Variants in LIPM observed in about 807,000 individuals in gnomAD.
LIPM encodes the protein lipase family member M, also known as lipase member M.
LIPM carries 42 observed loss-of-function variants against 42.4 expected under a neutral mutation model. The ratio of observed to expected loss-of-function variants is 0.99; its 90% confidence interval spans 0.77 to 1.28. The LOEUF is 1.28. LIPM is among the 50% of genes most tolerant of loss of function. LIPM has a pLI of 0.00. For synonymous variants in LIPM, 177 were observed against 173.3 expected, an observed-to-expected ratio of 1.02 and a Z score of -0.17; for missense variants, 524 against 520.1, an observed-to-expected ratio of 1.01 and a Z score of -0.07.
intron 2 of LIPM, 111 bp downstream of exon 2, chr10:88,808,526 T>C: frequency 1.5e-6 from 1 of 648,624 alleles, no homozygotes; most frequent in Admixed American, 2.3e-5. Context: ...GTGAGGTCCA[T>C]TGTTCAGGTC....
intron 8 of LIPM, among the ~76,000 whole-genome samples, chr10:88,819,025 C>T (rs1402928883): frequency 5.9e-5 from 9 of 151,866 alleles, no homozygotes; most frequent in Non-Finnish European, 5.9e-5. Flanking sequence ...GTAGCTGGGA[C>T]TACAGGTGCA....
intron 6 of LIPM, 41 bp downstream of exon 6, chr10:88,815,544 A>G (rs1385360636): frequency 6.5e-7 from 1 of 1,536,892 alleles, no homozygotes; most frequent in Non-Finnish European, 8.8e-7. Flanking sequence ...CCCAGCATAA[A>G]GCTGGGAGTC....
rs1429021727 is a variant in LIPM, at chr10:88,817,849, G to A, written c.955G>A (p.Ala319Thr). The stretch of plus-strand genomic sequence containing the variant: ...GGCAGTGAATTCTGGTGAACTCCGG[G>A]CATTTGACTGGGGGAGTGAGACCAA... ...SQAVNSGELR[A>T]FDWGSETKNL... Residue 319 changes from alanine (A) to threonine (T), a missense_variant, in exon 8 of 9, where the codon GCA (alanine) becomes ACA (threonine). Transcript: ENST00000404743. The A allele has an allele frequency of 1.3e-6, 2 of 1,551,426 alleles. No individual in the cohort carries two copies. Among genetic ancestry groups the A allele is most frequent in the Non-Finnish European group, 8.7e-7 (1 of 1,146,844 alleles).
chr10:88,810,941 A>G (rs919207526), intron 2 of LIPM, among the ~76,000 whole-genome samples: 4 of 152,252 alleles, frequency 2.6e-5, no homozygotes, highest in African/African-American at 9.6e-5. Flanking sequence ...GAGAACTAAG[A>G]GGATGAACTA....
At chr10:88,806,730 G>T (rs1326208539) in intron 1 of LIPM, among the ~76,000 whole-genome samples, 1 of 152,132 alleles carries the variant, frequency 6.6e-6, no homozygotes, top group Non-Finnish European at 1.5e-5. Context: ...CTGTCACCAG[G>T]TTGGAGTGCA....
intron 7 of LIPM, among the ~76,000 whole-genome samples, chr10:88,817,101 C>T (rs1227500360): frequency 6.6e-6 from 1 of 152,192 alleles, no homozygotes; most frequent in African/African-American, 2.4e-5. Context: ...CTAAGAACTT[C>T]TTTAGATCTT....
intron 3 of LIPM, 75 bp downstream of exon 3, chr10:88,813,370 A>G: frequency 8.1e-7 from 1 of 1,235,066 alleles, no homozygotes; most frequent in Non-Finnish European, 1.1e-6. Context: ...TACGGCTTCT[A>G]GTATTTGGTT....
rs61737049 is a variant in LIPM at position 88,815,494 on chromosome 10, T to C, written c.849T>C (p.Asn283=). 3,416 of 1,551,356 alleles carry C rather than the reference T, an allele frequency of 2.2e-3. 55 individuals are homozygous for C. In the African/African-American group the frequency reaches 0.038, roughly 17 times the overall value. The part of the protein sequence containing the change: ...MLLLGGFNTN[N]MNMSRASVYA... Reference sequence around the variant, plus strand: ...TTCTGGGTGGATTCAACACCAACAATATGAACATGGTAAGTGGGAGCCTAG... The same window carrying C: ...TTCTGGGTGGATTCAACACCAACAACATGAACATGGTAAGTGGGAGCCTAG... The change falls in exon 6 of 9, where the codon AAT becomes AAC. Residue 283 remains asparagine (N), a synonymous_variant. Coordinates refer to ENST00000404743, the MANE Select transcript of LIPM (RefSeq NM_001128215.1).
In LIPM at chr10:88,817,907, C is replaced by A; in HGVS notation, c.1002+11C>A. 3 of 1,542,798 alleles carry A rather than the reference C, an allele frequency of 1.9e-6. No individual in the cohort carries two copies. Among genetic ancestry groups the A allele is most frequent in the South Asian group, 2.4e-5 (2 of 83,792 alleles). ...GAAAAATGCAATCAGGTAAGAAAAT[C>A]AAATACCATCTGCTGAAAATATATA... On this transcript the variant is annotated intron_variant, in intron 8 of 8. Coordinates refer to ENST00000404743, the MANE Select transcript of LIPM (RefSeq NM_001128215.1).
chr10:88,816,838 C>G lies in LIPM; in HGVS notation c.881C>G (p.Ala294Gly), dbSNP rs561979576. 2.3e-5 allele frequency: 36 copies of G among 1,551,338 alleles called. No homozygotes were observed. The South Asian group carries it at 3.8e-4, about 16-fold the overall frequency. ...MNMSRASVYA[A>G]HTLAGTSVQN... is the part of the protein sequence containing the mutation. ...CAGAGCCGAGCAAGTGTATATGCTG[C>G]CCACACTCTTGCTGGAACATCTGTG... Residue 294 changes from alanine to glycine, a missense_variant, in exon 7 of 9, where the codon GCC (alanine) becomes GGC (glycine). Ala to Gly is a moderately conservative substitution (Grantham distance 60). Transcript: ENST00000404743.
Position 88,802,960 on chromosome 10 carries a change from C to T in LIPM, c.64C>T (p.Leu22=), listed in dbSNP as rs1258999044. 6.4e-7 allele frequency: 1 copy of T among 1,551,168 alleles called. No homozygotes were observed. Among genetic ancestry groups the T allele is most frequent in the African/African-American group, 1.4e-5 (1 of 73,014 alleles). Residue 22 remains leucine (L), a synonymous_variant, in exon 1 of 9, where the codon CTG becomes TTG. Coordinates refer to ENST00000404743, the MANE Select transcript of LIPM (RefSeq NM_001128215.1). Reference sequence around the variant, plus strand: ...CAGAATGGAAATGTGGCTTCTGATTCTGGTGGCGTATATGTTCCAGAGAAA... The same window carrying T: ...CAGAATGGAAATGTGGCTTCTGATTTTGGTGGCGTATATGTTCCAGAGAAA... The part of the protein sequence containing the change: ...SHRMEMWLLI[L]VAYMFQRNVN...
chr10:88,803,516 A>G (rs1843552045), intron 1 of LIPM, among the ~76,000 whole-genome samples: 2 of 151,974 alleles, frequency 1.3e-5, no homozygotes. Flanking sequence ...CTGGACTGGT[A>G]CTTTGCTGAA....
chr10:88,812,676 T>C lies in LIPM; in HGVS notation c.266-421T>C, dbSNP rs560911560. ...CTTCAAGCTGGCTTGTGGGTCCTTT[T>C]GACATGAAGGTCTCTTAATCACTAA... On this transcript the variant is annotated intron_variant, in intron 2 of 8. Transcript: ENST00000404743. Among the ~76,000 whole-genome samples, 7 of 152,322 alleles carry C rather than the reference T, an allele frequency of 4.6e-5. No individual in the cohort carries two copies. In the East Asian group the frequency reaches 9.6e-4, roughly 21 times the overall value.
chr10:88,807,473 A>C (rs977532773), intron 1 of LIPM, among the ~76,000 whole-genome samples: 1 of 152,210 alleles, frequency 6.6e-6, no homozygotes, highest in Non-Finnish European at 1.5e-5. Context: ...AACAATGGGC[A>C]AGAATAGTGA....
At position 88,818,703 on chromosome 10, in the gene LIPM, A is replaced by C. The variant is rs141571893; in HGVS notation, c.1002+807A>C. ...CTTTCTTTGAGACCCTCACATCATA[A>C]ATTAACATCCGCTGCCATATGTCTA... On this transcript the variant is annotated intron_variant, in intron 8 of 8. Transcript: ENST00000404743. 1.0e-3 allele frequency among the ~76,000 whole-genome samples: 159 copies of C among 152,254 alleles called. 1 individual carries two copies. Among genetic ancestry groups the C allele is most frequent in the African/African-American group, 3.8e-3 (159 of 41,540 alleles).
In LIPM at chr10:88,815,383, G is replaced by A; in HGVS notation, c.738G>A (p.Leu246=). ...GATTGTTTGGCAAAAAAGAATTTCT[G>A]TATCAGACCAGATTTCTCAGACAAC... ...IKGLFGKKEF[L]YQTRFLRQLV... is the part of the protein sequence containing the mutation. Residue 246 remains leucine, a synonymous_variant, in exon 6 of 9, where the codon CTG becomes CTA. Coordinates refer to ENST00000404743, the MANE Select transcript of LIPM (RefSeq NM_001128215.1). 1 of 1,551,546 alleles carries A rather than the reference G, an allele frequency of 6.4e-7. No individual in the cohort carries two copies. Among genetic ancestry groups the A allele is most frequent in the Non-Finnish European group, 8.7e-7 (1 of 1,146,910 alleles).
In LIPM at chr10:88,808,330, T is replaced by C; in HGVS notation, c.180T>C (p.Cys60=). Residue 60 remains cysteine, a synonymous_variant, in exon 2 of 9, where the codon TGT becomes TGC. Transcript: ENST00000404743. ...SEIIQHQGYP[C]EEYEVATEDG... is the part of the protein sequence containing the mutation. ...TCATCCAACATCAAGGCTATCCCTG[T>C]GAGGAATATGAAGTCGCAACTGAAG... 2 of 1,550,482 alleles carry C rather than the reference T, an allele frequency of 1.3e-6. No individual in the cohort carries two copies. The highest frequency in any genetic ancestry group is 1.7e-6 in the Non-Finnish European group (2 of 1,145,864).
chr10:88,820,425 T>G lies in LIPM; in HGVS notation c.1196T>G (p.Met399Arg). The G allele has an allele frequency of 1.9e-6, 3 of 1,552,122 alleles. No homozygotes were observed. In the South Asian group the frequency reaches 3.6e-5, roughly 18 times the overall value. ...FIWGLDAPHRMYNEIIHLMQQ... is the reference protein window; with the variant it reads ...FIWGLDAPHRRYNEIIHLMQQ... ...TGGGGTTTGGATGCTCCTCACCGTA[T>G]GTACAATGAAATCATCCATCTGATG... The change falls in exon 9 of 9, where the codon ATG becomes AGG. Residue 399 changes from methionine to arginine, a missense_variant. Coordinates refer to ENST00000404743, the MANE Select transcript of LIPM (RefSeq NM_001128215.1).
chr10:88,817,784 T>G, intron 7 of LIPM, 41 bp from the exon 8 acceptor site: 2 of 1,417,420 alleles, frequency 1.4e-6, no homozygotes, highest in African/African-American at 1.4e-5. Flanking sequence ...GCTTATCCAC[T>G]GAGACGTTGG....
Sources: gnomAD v4.1 joint callset for allele counts (sites outside exome capture counted in the v4.1 genomes callset) on GRCh38, gnomAD v4.1.1 for gene constraint, MANE v1.5 for transcripts, NCBI Gene and HGNC (gene_info 2026-07-23, HGNC 2026-07-21) for gene names.